MCTP2: variants seen among roughly 807,000 people sequenced by gnomAD.
The protein encoded by MCTP2 is multiple C2 and transmembrane domain containing 2.
A neutral mutation model predicts 111.6 loss-of-function variants in MCTP2; 132 were observed. That is an observed-to-expected ratio of 1.18 (90% confidence interval 1.03 to 1.37). The LOEUF (loss-of-function observed/expected upper bound fraction) is 1.37. MCTP2 is among the 40% of genes most tolerant of loss of function. The pLI, the probability that MCTP2 is intolerant of heterozygous loss-of-function variation, is 0.00. For synonymous variants in MCTP2, 395 were observed against 387.7 expected (o/e 1.02, Z -0.22); for missense variants, 1,183 against 1,067.9 (o/e 1.11, Z -1.50).
intron 1 of MCTP2, among the ~76,000 whole-genome samples, chr15:94,294,389 TAACAA>T (rs1424819321): frequency 7.9e-5 from 12 of 152,204 alleles, no homozygotes; most frequent in Admixed American, 5.2e-4. Context: ...AGTCATTTCT[TAACAA>T]AACAAAGATG....
intron 1 of MCTP2, 87 bp from the exon 2 acceptor site, chr15:94,298,114 C>T: frequency 1.9e-6 from 1 of 531,040 alleles, no homozygotes; most frequent in Non-Finnish European, 3.2e-6. Context: ...TCGTGTTTCT[C>T]ACTTTGATGT....
Position 94,298,809 on chromosome 15 carries a change from TCTCCCTCTCTCTTCCCCCCTCCCC to T in MCTP2, c.465+116_465+139del, listed in dbSNP as rs1357032843. ...CCCTCTCTTTCTCCCTCTCTCCCCA[TCTCCCTCTCTCTTCCCCCCTCCCC>T]CTCCCTCTCTCTTCCCCCCTCCCCC... On this transcript the variant is annotated intron_variant, in intron 2 of 22. Transcript: ENST00000357742. 761 of 694,856 alleles carry T rather than the reference TCTCCCTCTCTCTTCCCCCCTCCCC, an allele frequency of 1.1e-3. 30 individuals are homozygous for T. Among genetic ancestry groups the T allele is most frequent in the African/African-American group, 4.1e-3 (139 of 33,680 alleles). 43.0% of individuals were successfully genotyped at this position (694,856 alleles called of 1,614,324 possible). A position where few individuals can be genotyped will look rare whatever the true frequency, so the allele number is the denominator to read the frequency against.
intron 14 of MCTP2, among the ~76,000 whole-genome samples, chr15:94,386,477 G>A (rs1208139857): frequency 6.6e-6 from 1 of 152,152 alleles, no homozygotes; most frequent in South Asian, 2.1e-4. Context: ...CTGTGTTTGT[G>A]CACTTGGATA....
rs924673905 is a variant in MCTP2, at chr15:94,429,197, G to T, written c.2086-10979G>T. On this transcript the variant is annotated intron_variant, in intron 17 of 22. Transcript: ENST00000357742. ...GTAGCTATGGATGACCTGAATTGTT[G>T]CTAAGACCAACACTCCATTTTACAG... Among the ~76,000 whole-genome samples, 11 of 151,000 alleles carry T rather than the reference G, an allele frequency of 7.3e-5. No homozygotes were observed. The Admixed American group carries it at 7.3e-4, about 10-fold the overall frequency.
intron 17 of MCTP2, among the ~76,000 whole-genome samples, chr15:94,416,330 T>G (rs1342517517): frequency 1.3e-5 from 2 of 152,128 alleles, no homozygotes; most frequent in Non-Finnish European, 2.9e-5. Context: ...CACTGTATTT[T>G]ACTCATCCTG....
intron 1 of MCTP2, among the ~76,000 whole-genome samples, chr15:94,244,099 T>TACATATGTGTATATATTTATGCAC (rs1459473479): frequency 7.3e-5 from 4 of 54,928 alleles, no homozygotes; most frequent in African/African-American, 2.6e-4. Context: ...TGTATACACA[T>TACATATGTGTATATATTTATGCAC]ACATATGTGT....
At chr15:94,244,182 G>T (rs1484667781) in intron 1 of MCTP2, among the ~76,000 whole-genome samples, 1 of 143,346 alleles carries the variant, frequency 7.0e-6, no homozygotes, top group Non-Finnish European at 1.5e-5. Context: ...ACATACGTAT[G>T]TGTATATGTT....
At chr15:94,343,482 G>A (rs2077777460) in intron 7 of MCTP2, 1 of 152,068 alleles carries the variant, frequency 6.6e-6, no homozygotes, top group Admixed American at 6.6e-5. Flanking sequence ...TTAGAACCAA[G>A]CTGACAAAAA....
intron 1 of MCTP2, among the ~76,000 whole-genome samples, chr15:94,246,084 GA>G (rs2071982408): frequency 1.3e-5 from 2 of 152,074 alleles, no homozygotes; most frequent in South Asian, 4.1e-4. Flanking sequence ...AAGGCTTGGG[GA>G]GAGGTCGTCA....
chr15:94,421,356 G>A (rs2082622262), intron 17 of MCTP2, among the ~76,000 whole-genome samples: 1 of 152,124 alleles, frequency 6.6e-6, no homozygotes, highest in Non-Finnish European at 1.5e-5. Flanking sequence ...ATGCATGCCT[G>A]TACAATTGTA....
At chr15:94,325,527 A>G (rs1019600607) in intron 4 of MCTP2, among the ~76,000 whole-genome samples, 20 of 152,026 alleles carry the variant, frequency 1.3e-4, no homozygotes, top group African/African-American at 4.6e-4. Context: ...TTTTGAGATA[A>G]AAGTTCCTCC....
chr15:94,264,384 G>C (rs933827278), intron 1 of MCTP2, among the ~76,000 whole-genome samples: 1 of 152,056 alleles, frequency 6.6e-6, no homozygotes, highest in Non-Finnish European at 1.5e-5. Context: ...CGAGGCGGGT[G>C]GATCACGAGG....
rs2079275143 is a variant in MCTP2 at position 94,367,785 on chromosome 15, G to A, written c.1482G>A (p.Gln494=). 4 of 1,598,440 alleles carry A rather than the reference G, an allele frequency of 2.5e-6. No homozygotes were observed. In the East Asian group the frequency reaches 6.9e-5, roughly 28 times the overall value. The stretch of plus-strand genomic sequence containing the variant: ...TCAGCGAAAGAAAGCAGATTACCCA[G>A]CGATATGTGAGTGTTTTTCCTTATT... ...ADLSERKQIT[Q]RYCLQNSLKD... The change falls in exon 11 of 23, where the codon CAG becomes CAA. Residue 494 remains glutamine (Q), a synonymous_variant. Coordinates refer to ENST00000357742, the MANE Select transcript of MCTP2 (RefSeq NM_001385001.1).
intron 1 of MCTP2, among the ~76,000 whole-genome samples, chr15:94,297,620 A>G (rs928873327): frequency 6.6e-6 from 1 of 152,142 alleles, no homozygotes; most frequent in Non-Finnish European, 1.5e-5. Flanking sequence ...TCAGCAAGCC[A>G]CAGTCTGCTG....
chr15:94,238,685 G>C (rs972136289), intron 1 of MCTP2, among the ~76,000 whole-genome samples: 1 of 152,164 alleles, frequency 6.6e-6, no homozygotes, highest in Non-Finnish European at 1.5e-5. Flanking sequence ...CGTGCTGTTC[G>C]TTAAGGGTGA....
chr15:94,245,702 ATGTG>A (rs1375033847), intron 1 of MCTP2, among the ~76,000 whole-genome samples: 17 of 142,100 alleles, frequency 1.2e-4, no homozygotes, highest in African/African-American at 3.1e-4. Flanking sequence ...ATATAAATAT[ATGTG>A]TGTGTGTGTG....
chr15:94,384,530 C>T (rs2080343737), intron 13 of MCTP2, among the ~76,000 whole-genome samples: 1 of 152,082 alleles, frequency 6.6e-6, no homozygotes, highest in African/African-American at 2.4e-5. Context: ...CCAAAGGCTC[C>T]TTATATTCCA....
At chr15:94,314,794 C>T (rs1251848894) in intron 3 of MCTP2, 4 of 455,236 alleles carry the variant, frequency 8.8e-6, no homozygotes, top group Non-Finnish European at 1.8e-5. Flanking sequence ...CAAAAACAGA[C>T]TTGAATTCTA....
chr15:94,310,248 T>C (rs1422687718), intron 2 of MCTP2, among the ~76,000 whole-genome samples: 2 of 152,196 alleles, frequency 1.3e-5, no homozygotes, highest in African/African-American at 4.8e-5. Flanking sequence ...TGATATGATA[T>C]TCTAGAAAAG....
Sources: gnomAD v4.1 joint callset for allele counts (sites outside exome capture counted in the v4.1 genomes callset) on GRCh38, gnomAD v4.1.1 for gene constraint, MANE v1.5 for transcripts, NCBI Gene and HGNC (gene_info 2026-07-23, HGNC 2026-07-21) for gene names.